TRIM33: variants seen among roughly 807,000 people sequenced by gnomAD.
The protein encoded by TRIM33 is tripartite motif containing 33, also known as E3 ubiquitin-protein ligase TRIM33.
A neutral mutation model predicts 125.4 loss-of-function variants in TRIM33; 20 were observed. That is an observed-to-expected ratio of 0.16 (90% CI 0.11 to 0.23). The LOEUF (loss-of-function observed/expected upper bound fraction) is 0.23. Among genes scored for constraint, TRIM33 ranks in the 10% least tolerant of loss-of-function variants. The pLI, the probability that TRIM33 is intolerant of heterozygous loss-of-function variation, is 1.00. For synonymous variants in TRIM33, 564 were observed against 513.9 expected, an observed-to-expected ratio of 1.10 and a Z score of -1.32; for missense variants, 920 against 1,411.4, an observed-to-expected ratio of 0.65 and a Z score of 5.58.
chr1:114,397,795 C>G lies in TRIM33; in HGVS notation c.3237G>C (p.Glu1079Asp). The G allele has an allele frequency of 1.2e-6, 2 of 1,613,834 alleles. No homozygotes were observed. The highest frequency in any genetic ancestry group is 1.7e-6 in the Non-Finnish European group (2 of 1,179,936). ...GTGCGAAGGTCCTGTCTGAGTAGAT[C>G]TCTGTGAGTTTATCTTCAAAGTACA... ...VALYFEDKLT[E>D]IYSDRTFAPL... is the part of the protein sequence containing the mutation. The change falls in exon 20 of 20, where the codon GAG (glutamate) becomes GAC (aspartate). Residue 1079 changes from glutamate (E) to aspartate (D), a missense_variant. This residue lies in a region of TRIM33 where 122 missense variants were observed against 236.8 expected (regional missense o/e 0.52). Transcript: ENST00000358465.
At chr1:114,500,615 A>C (rs1346593850) in intron 1 of TRIM33, among the ~76,000 whole-genome samples, 1 of 152,104 alleles carries the variant, frequency 6.6e-6, no homozygotes, top group African/African-American at 2.4e-5. Context: ...AATTAAAAAA[A>C]AAAAAAGGAG....
At chr1:114,497,708 T>C (rs910040943) in intron 1 of TRIM33, among the ~76,000 whole-genome samples, 4 of 152,216 alleles carry the variant, frequency 2.6e-5, no homozygotes, top group Non-Finnish European at 4.4e-5. Context: ...TGACTGTATT[T>C]AGTTCATGGG....
intron 3 of TRIM33, 81 bp downstream of exon 3, chr1:114,463,331 A>T (rs1158700905): frequency 2.6e-6 from 4 of 1,550,976 alleles, no homozygotes; most frequent in Non-Finnish European, 3.5e-6. Flanking sequence ...AAGTTTATAA[A>T]GAATAAGTAG....
intron 1 of TRIM33, among the ~76,000 whole-genome samples, chr1:114,497,580 C>T (rs1011254199): frequency 5.3e-5 from 8 of 152,168 alleles, no homozygotes; most frequent in Non-Finnish European, 8.8e-5. Context: ...GGATTACAGG[C>T]GTAAGCCACC....
intron 1 of TRIM33, among the ~76,000 whole-genome samples, chr1:114,471,087 C>G (rs1650611531): frequency 6.6e-6 from 1 of 152,236 alleles, no homozygotes; most frequent in Admixed American, 6.5e-5. Context: ...ACATGAGCCA[C>G]TGCGCCTGGC....
intron 11 of TRIM33, among the ~76,000 whole-genome samples, chr1:114,411,983 AG>A (rs1209389247): frequency 6.6e-6 from 1 of 152,246 alleles, no homozygotes. Flanking sequence ...TAGGAAAATG[AG>A]CAAAGATATT....
At chr1:114,420,914 T>A (rs1460349689) in intron 11 of TRIM33, among the ~76,000 whole-genome samples, 1 of 152,250 alleles carries the variant, frequency 6.6e-6, no homozygotes, top group Non-Finnish European at 1.5e-5. Context: ...AGAGAAATTA[T>A]CTGCACTCCC....
In TRIM33 at chr1:114,488,007, T is replaced by C. The variant is rs111790083; in HGVS notation, c.526+22544A>G. ...AGCTTATAAAAAAGATCATATATTA[T>C]CTGGTCATCTATATAGACAGAAAAT... is the stretch of plus-strand genomic sequence containing the variant. On this transcript the variant is annotated intron_variant, in intron 1 of 19. Transcript: ENST00000358465. 7.6e-3 allele frequency among the ~76,000 whole-genome samples: 1,152 copies of C among 151,634 alleles called. 8 individuals carry two copies. The highest frequency in any genetic ancestry group is 0.025 in the African/African-American group (1,055 of 41,392).
At chr1:114,427,512 A>G (rs1647666693) in intron 7 of TRIM33, among the ~76,000 whole-genome samples, 1 of 152,228 alleles carries the variant, frequency 6.6e-6, no homozygotes, top group African/African-American at 2.4e-5. Context: ...TATCTTCAAA[A>G]GAGTACATAC....
chr1:114,506,313 G>A (rs1361704677), intron 1 of TRIM33, among the ~76,000 whole-genome samples: 1 of 151,256 alleles, frequency 6.6e-6, no homozygotes, highest in Non-Finnish European at 1.5e-5. Context: ...AACCCAGGAG[G>A]TGGAGGTTGC....
chr1:114,456,637 T>C (rs1649644330), intron 4 of TRIM33, among the ~76,000 whole-genome samples: 1 of 152,124 alleles, frequency 6.6e-6, no homozygotes, highest in Non-Finnish European at 1.5e-5. Flanking sequence ...TGCCTTTGAG[T>C]GGGAGAGATC....
At chr1:114,494,514 A>T (rs1481804773) in intron 1 of TRIM33, among the ~76,000 whole-genome samples, 1 of 152,224 alleles carries the variant, frequency 6.6e-6, no homozygotes. Flanking sequence ...AACATTTTAA[A>T]ACACAACTGC....
chr1:114,394,598 G>C lies in TRIM33; in HGVS notation c.*3050C>G, dbSNP rs1317782834. On this transcript the variant is annotated 3_prime_UTR_variant, in exon 20 of 20. Transcript: ENST00000358465. The stretch of plus-strand genomic sequence containing the variant: ...TTAGCATTACCTAAAATTCCCTTAT[G>C]TTAAGATACAGAAGTCAGAAAGTAC... 4.8e-6 allele frequency: 1 copy of C among 206,834 alleles called. No homozygotes were observed. The highest frequency in any genetic ancestry group is 9.9e-6 in the Non-Finnish European group (1 of 101,238). The allele number at this position is 206,834 out of a possible 1,614,324, so 12.8% of individuals were successfully genotyped here.
At chr1:114,460,471 C>A (rs1649897369) in intron 4 of TRIM33, 1 of 151,712 alleles carries the variant, frequency 6.6e-6, no homozygotes, top group Admixed American at 6.6e-5. Context: ...AGTTATCAGA[C>A]CATCCAAGAA....
At chr1:114,473,526 G>C (rs1650784143) in intron 1 of TRIM33, among the ~76,000 whole-genome samples, 2 of 152,092 alleles carry the variant, frequency 1.3e-5, no homozygotes, top group Admixed American at 6.6e-5. Flanking sequence ...TGGCAGAGCA[G>C]GAAATCGGAA....
At chr1:114,407,823 G>A (rs1461983812) in intron 13 of TRIM33, among the ~76,000 whole-genome samples, 1 of 152,046 alleles carries the variant, frequency 6.6e-6, no homozygotes, top group Admixed American at 6.6e-5. Context: ...CACAAAAGCA[G>A]GGAAATAAAC....
chr1:114,414,433 CCTT>C (rs143809319), intron 11 of TRIM33, among the ~76,000 whole-genome samples: 22,178 of 152,072 alleles, frequency 0.15, 1,881 homozygotes, highest in Non-Finnish European at 0.19. Context: ...TCTTCACTGG[CCTT>C]TTTTCTGTTC....
At chr1:114,405,913 ACC>A (rs528425365) in intron 14 of TRIM33, among the ~76,000 whole-genome samples, 154 bp from the exon 15 acceptor site, 14 of 152,282 alleles carry the variant, frequency 9.2e-5, no homozygotes, top group Non-Finnish European at 1.8e-4. Flanking sequence ...AATGACAATA[ACC>A]CCAAAATTAT....
intron 4 of TRIM33, among the ~76,000 whole-genome samples, chr1:114,440,762 G>A (rs955749063): frequency 1.3e-5 from 2 of 152,072 alleles, no homozygotes; most frequent in African/African-American, 4.8e-5. Context: ...TGTAAAAAAA[G>A]GGGGGGAATA....
Sources: gnomAD v4.1 joint callset for allele counts (sites outside exome capture counted in the v4.1 genomes callset) on GRCh38, gnomAD v4.1.1 for gene constraint, gnomAD v4.1.1 regional missense constraint, MANE v1.5 for transcripts, NCBI Gene and HGNC (gene_info 2026-07-23, HGNC 2026-07-21) for gene names.